AGBL4: variants seen among roughly 807,000 people sequenced by gnomAD.
AGBL4 encodes AGBL carboxypeptidase 4, also known as cytosolic carboxypeptidase 6.
AGBL4 carries 58 observed loss-of-function variants against 66.4 expected under a neutral mutation model. The observed-to-expected ratio is 0.87, with a 90% confidence interval of 0.71 to 1.09. The LOEUF (loss-of-function observed/expected upper bound fraction) is 1.09. Among genes scored for constraint, AGBL4 ranks in the 50% least tolerant of loss-of-function variants. AGBL4 has a pLI of 0.00. For synonymous variants in AGBL4, 234 were observed against 222.9 expected, an observed-to-expected ratio of 1.05 and a Z score of -0.44; for missense variants, 579 against 631.0, an observed-to-expected ratio of 0.92 and a Z score of 0.88.
chr1:48,986,464 A>G (rs1272562827), intron 5 of AGBL4, among the ~76,000 whole-genome samples: 1 of 152,072 alleles, frequency 6.6e-6, no homozygotes, highest in Non-Finnish European at 1.5e-5. Context: ...AAAGATGAAA[A>G]CAGACTTCTC....
intron 6 of AGBL4, among the ~76,000 whole-genome samples, chr1:48,807,230 G>A (rs1645946192): frequency 6.6e-6 from 1 of 152,176 alleles, no homozygotes; most frequent in South Asian, 2.1e-4. Flanking sequence ...CATCCTGACT[G>A]TGATGGATTC....
At chr1:48,993,128 A>G (rs138606201) in intron 5 of AGBL4, among the ~76,000 whole-genome samples, 1 of 152,166 alleles carries the variant, frequency 6.6e-6, no homozygotes, top group Non-Finnish European at 1.5e-5. Context: ...GGTCTCAGCC[A>G]AGGCCTACAA....
At chr1:48,579,665 C>T (rs1246717745) in intron 11 of AGBL4, among the ~76,000 whole-genome samples, 2 of 149,868 alleles carry the variant, frequency 1.3e-5, no homozygotes, top group South Asian at 2.1e-4. Flanking sequence ...AATCCCAGCA[C>T]TTTGGGAGGC....
At chr1:49,501,956 T>C (rs1057393179) in intron 3 of AGBL4, among the ~76,000 whole-genome samples, 1 of 152,192 alleles carries the variant, frequency 6.6e-6, no homozygotes, top group Non-Finnish European at 1.5e-5. Flanking sequence ...TTTCATACCA[T>C]TGTGGTCAGA....
intron 3 of AGBL4, among the ~76,000 whole-genome samples, chr1:49,657,376 G>A (rs185014773): frequency 8.7e-4 from 133 of 152,150 alleles, no homozygotes; most frequent in African/African-American, 3.1e-3. Context: ...ACAAATGGAA[G>A]AACATTCCAT....
intron 4 of AGBL4, among the ~76,000 whole-genome samples, chr1:49,189,909 T>C (rs1340621867): frequency 6.6e-6 from 1 of 152,142 alleles, no homozygotes; most frequent in Non-Finnish European, 1.5e-5. Flanking sequence ...CTAAAACCCA[T>C]ATTCTTTTCT....
At chr1:49,657,141 T>C (rs1000612068) in intron 3 of AGBL4, among the ~76,000 whole-genome samples, 1 of 152,210 alleles carries the variant, frequency 6.6e-6, no homozygotes, top group African/African-American at 2.4e-5. Context: ...CTTAAGATGA[T>C]AAGCAGCTTC....
chr1:48,533,594 G>A lies in AGBL4; in HGVS notation c.*579C>T, dbSNP rs1643924356. ...CAGTTTTCTAAATCTGCATGCTGGG[G>A]TTTGAGGGAATCAGCAAGCATGCAG... On this transcript the variant is annotated 3_prime_UTR_variant, in exon 14 of 14. Coordinates refer to ENST00000371839, the MANE Select transcript of AGBL4 (RefSeq NM_032785.4). The A allele has an allele frequency of 6.5e-6, 1 of 152,776 alleles. No homozygotes were observed. The highest frequency in any genetic ancestry group is 2.4e-5 in the African/African-American group (1 of 41,442). 9.5% of individuals were successfully genotyped at this position (152,776 alleles called of 1,614,324 possible). A position where few individuals can be genotyped will look rare whatever the true frequency, so the allele number is the denominator to read the frequency against.
chr1:49,188,391 C>G (rs1426025875), intron 4 of AGBL4, among the ~76,000 whole-genome samples: 1 of 152,086 alleles, frequency 6.6e-6, no homozygotes, highest in African/African-American at 2.4e-5. Context: ...TACTTGGCTG[C>G]TCACCCACTA....
intron 3 of AGBL4, among the ~76,000 whole-genome samples, chr1:49,653,367 T>C (rs1296765067): frequency 2.0e-5 from 3 of 151,738 alleles, no homozygotes; most frequent in Admixed American, 2.0e-4. Context: ...TGAGAAAGAA[T>C]CAACATAAAA....
At position 49,959,501 on chromosome 1, in the gene AGBL4, T is replaced by C. The variant is rs376619921; in HGVS notation, c.34+64262A>G. 5.3e-5 allele frequency among the ~76,000 whole-genome samples: 8 copies of C among 152,156 alleles called. No individual in the cohort carries two copies. The East Asian group carries it at 9.7e-4, about 18-fold the overall frequency. ...GAGGCAAGAAGCCAAGAATTGAAAA[T>C]GTGCAACTAGCACAATGCCTGGAAC... On this transcript the variant is annotated intron_variant, in intron 1 of 13. Coordinates refer to ENST00000371839, the MANE Select transcript of AGBL4 (RefSeq NM_032785.4).
intron 2 of AGBL4, among the ~76,000 whole-genome samples, chr1:49,835,239 A>G (rs1410553227): frequency 6.6e-6 from 1 of 152,172 alleles, no homozygotes; most frequent in African/African-American, 2.4e-5. Context: ...AACTTGCTTC[A>G]TGAATCTGGG....
intron 3 of AGBL4, among the ~76,000 whole-genome samples, chr1:49,530,860 T>C (rs1651085026): frequency 6.6e-6 from 1 of 152,156 alleles, no homozygotes; most frequent in African/African-American, 2.4e-5. Flanking sequence ...CTGCATCCTA[T>C]CTCATACTGG....
At chr1:49,702,553 G>C (rs182075887) in intron 2 of AGBL4, among the ~76,000 whole-genome samples, 1 of 152,022 alleles carries the variant, frequency 6.6e-6, no homozygotes, top group Non-Finnish European at 1.5e-5. Flanking sequence ...TTGAAGAAAA[G>C]ATAACACTTT....
chr1:49,452,725 T>C (rs1646304978), intron 3 of AGBL4, among the ~76,000 whole-genome samples: 1 of 151,938 alleles, frequency 6.6e-6, no homozygotes, highest in Non-Finnish European at 1.5e-5. Flanking sequence ...ACATGTTTCC[T>C]CTTCTGACTA....
chr1:48,634,737 A>AAT, intron 8 of AGBL4, 133 bp from the exon 9 acceptor site: 1 of 601,178 alleles, frequency 1.7e-6, no homozygotes, highest in Non-Finnish European at 2.8e-6. Context: ...AGACTGTTCT[A>AAT]AGTACTTTAT....
intron 3 of AGBL4, among the ~76,000 whole-genome samples, chr1:49,536,095 G>A (rs745703601): frequency 9.2e-5 from 14 of 152,040 alleles, no homozygotes; most frequent in Non-Finnish European, 2.9e-5. Context: ...TATTTATTTA[G>A]CTTTCATTGT....
chr1:49,163,974 G>A (rs777221930), intron 4 of AGBL4, among the ~76,000 whole-genome samples: 1 of 152,132 alleles, frequency 6.6e-6, no homozygotes, highest in Non-Finnish European at 1.5e-5. Context: ...CATTCACGAA[G>A]CCGTTAGAAA....
chr1:48,671,118 C>T (rs1038534015), intron 6 of AGBL4, among the ~76,000 whole-genome samples: 1 of 152,184 alleles, frequency 6.6e-6, no homozygotes, highest in Non-Finnish European at 1.5e-5. Context: ...AGGAACTCAG[C>T]TGTGTGCTCT....
Sources: allele counts gnomAD v4.1 joint callset (sites outside exome capture counted in the v4.1 genomes callset), GRCh38; gene constraint gnomAD v4.1.1; transcripts MANE v1.5; gene names NCBI Gene and HGNC (gene_info 2026-07-23, HGNC 2026-07-21).